Variants in NAV3 observed in about 807,000 individuals in gnomAD.
The protein encoded by NAV3 is neuron navigator 3, also known as pore membrane and/or filament interacting like protein 1.
Under a neutral mutation model 244.7 loss-of-function variants are expected in NAV3, and 87 were observed. The observed-to-expected ratio is 0.36, with a 90% CI of 0.30 to 0.42. The LOEUF (loss-of-function observed/expected upper bound fraction) is 0.42, where lower values mean the gene tolerates loss of function less well. NAV3 is among the 20% of genes least tolerant of loss of function. The probability of loss-of-function intolerance (pLI) is 1.00; values close to 1 mark genes in which losing one functional copy is unlikely to be tolerated. For synonymous variants in NAV3, 1,126 were observed against 1,042.2 expected, an observed-to-expected ratio of 1.08 and a Z score of -1.55; for missense variants, 2,663 against 2,893.3, an observed-to-expected ratio of 0.92 and a Z score of 1.83.
chr12:77,620,700 G>C (rs1871334864), intron 2 of NAV3, among the ~76,000 whole-genome samples: 1 of 152,066 alleles, frequency 6.6e-6, no homozygotes, highest in South Asian at 2.1e-4. Flanking sequence ...GACCTCAGGT[G>C]ATCCACCCCC....
chr12:77,633,891 C>T (rs916590828), intron 2 of NAV3, among the ~76,000 whole-genome samples: 1 of 152,056 alleles, frequency 6.6e-6, no homozygotes, highest in Non-Finnish European at 1.5e-5. Flanking sequence ...GTAACATTTT[C>T]GTGTTAAATT....
At chr12:77,678,421 A>G (rs1435580168) in intron 2 of NAV3, among the ~76,000 whole-genome samples, 3 of 152,194 alleles carry the variant, frequency 2.0e-5, no homozygotes, top group Non-Finnish European at 2.9e-5. Flanking sequence ...TAGATTTTGC[A>G]GGCATCTGAT....
chr12:77,764,497 T>C (rs1308483497), intron 2 of NAV3, among the ~76,000 whole-genome samples: 1 of 152,352 alleles, frequency 6.6e-6, no homozygotes, highest in African/African-American at 2.4e-5. Context: ...ACAAATTTAA[T>C]TTAGAAACCT....
chr12:78,152,181 A>G (rs999075081), intron 22 of NAV3, among the ~76,000 whole-genome samples: 7 of 151,768 alleles, frequency 4.6e-5, no homozygotes, highest in African/African-American at 1.4e-4. Flanking sequence ...AATAATTTAC[A>G]TTGTAAAAAT....
upstream of NAV3, among the ~76,000 whole-genome samples, chr12:77,826,567 C>G (rs760347046): frequency 6.6e-6 from 1 of 151,990 alleles, no homozygotes; most frequent in African/African-American, 2.4e-5. Context: ...AATGCATAAA[C>G]GAATTGTGCC....
chr12:78,053,258 A>G lies in NAV3; in HGVS notation c.2516+2111A>G, dbSNP rs1027831313. On this transcript the variant is annotated intron_variant, in intron 11 of 39. Coordinates refer to ENST00000397909, the MANE Select transcript of NAV3 (RefSeq NM_001024383.2). ...AATATATATATGTATGTATGTATGTATATGTATGTGTATGTATGTATATAT... is the reference window on the plus strand; with the variant it reads ...AATATATATATGTATGTATGTATGTGTATGTATGTGTATGTATGTATATAT... 2.0e-5 allele frequency among the ~76,000 whole-genome samples: 3 copies of G among 151,024 alleles called. No homozygotes were observed. The Admixed American group carries it at 2.0e-4, about 10-fold the overall frequency.
intron 2 of NAV3, among the ~76,000 whole-genome samples, chr12:77,612,148 A>G (rs1159759374): frequency 2.0e-5 from 3 of 152,046 alleles, no homozygotes. Flanking sequence ...AGACTTTTTA[A>G]AGTATGGCAT....
intron 25 of NAV3, 49 bp downstream of exon 25, chr12:78,175,476 T>C: frequency 6.3e-7 from 1 of 1,588,534 alleles, no homozygotes; most frequent in East Asian, 2.3e-5. Flanking sequence ...ATGCATAATG[T>C]GTTAGGCCTT....
intron 7 of NAV3, among the ~76,000 whole-genome samples, chr12:78,002,509 A>G (rs1281365487): frequency 6.6e-6 from 1 of 152,212 alleles, no homozygotes; most frequent in African/African-American, 2.4e-5. Flanking sequence ...TTATACAGGT[A>G]TCAGAGTTAA....
intron 5 of NAV3, among the ~76,000 whole-genome samples, chr12:77,977,706 A>ACACGCG (rs1555248309): frequency 1.1e-5 from 1 of 90,620 alleles, no homozygotes; most frequent in Non-Finnish European, 2.7e-5. Context: ...ACACACACAC[A>ACACGCG]CACGCGCACA....
intron 2 of NAV3, among the ~76,000 whole-genome samples, chr12:77,679,302 A>G (rs1382355693): frequency 6.6e-6 from 1 of 152,222 alleles, no homozygotes; most frequent in Non-Finnish European, 1.5e-5. Context: ...ATAGGAAGAC[A>G]TTATGAGAAG....
chr12:77,774,106 T>C (rs947863036), intron 2 of NAV3, among the ~76,000 whole-genome samples: 1 of 152,186 alleles, frequency 6.6e-6, no homozygotes, highest in Non-Finnish European at 1.5e-5. Flanking sequence ...ATGGTTTCCT[T>C]TGAGGATTAA....
intron 5 of NAV3, among the ~76,000 whole-genome samples, chr12:77,972,527 C>T (rs1014385823): frequency 6.6e-6 from 1 of 151,872 alleles, no homozygotes; most frequent in Non-Finnish European, 1.5e-5. Flanking sequence ...ATCTTATTTG[C>T]ATTTATTTAA....
chr12:77,739,548 C>G (rs1321020613), intron 2 of NAV3, among the ~76,000 whole-genome samples: 2 of 152,040 alleles, frequency 1.3e-5, no homozygotes, highest in African/African-American at 4.8e-5. Context: ...AATGTCATAT[C>G]AGATAACAAG....
intron 2 of NAV3, among the ~76,000 whole-genome samples, chr12:77,793,590 T>C (rs1871278212): frequency 6.6e-6 from 1 of 152,188 alleles, no homozygotes; most frequent in Non-Finnish European, 1.5e-5. Context: ...TTTCTGTTCC[T>C]GTGTTAGTTT....
intron 2 of NAV3, among the ~76,000 whole-genome samples, chr12:77,756,524 A>G (rs1469999304): frequency 5.9e-5 from 9 of 152,170 alleles, no homozygotes; most frequent in Non-Finnish European, 1.0e-4. Flanking sequence ...TGTCAGTAAG[A>G]CATGCTCCTT....
chr12:77,960,995 ACG>A (rs1891876457), intron 3 of NAV3, among the ~76,000 whole-genome samples: 3 of 145,926 alleles, frequency 2.1e-5, no homozygotes, highest in Non-Finnish European at 3.0e-5. Flanking sequence ...TTACATGTAT[ACG>A]CATATATGTA....
At chr12:77,905,224 A>G (rs1252262297) in intron 1 of NAV3, among the ~76,000 whole-genome samples, 1 of 152,084 alleles carries the variant, frequency 6.6e-6, no homozygotes, top group Non-Finnish European at 1.5e-5. Flanking sequence ...AATTTATAGA[A>G]TTGCTTTGGG....
intron 2 of NAV3, among the ~76,000 whole-genome samples, chr12:77,694,763 A>G (rs1028404309): frequency 6.6e-6 from 1 of 152,160 alleles, no homozygotes; most frequent in Non-Finnish European, 1.5e-5. Context: ...GAGAAGAGAG[A>G]TTGGGTCACT....
Sources: gnomAD v4.1 joint callset for allele counts (sites outside exome capture counted in the v4.1 genomes callset) on GRCh38, gnomAD v4.1.1 for gene constraint, MANE v1.5 for transcripts, NCBI Gene and HGNC (gene_info 2026-07-23, HGNC 2026-07-21) for gene names.